Variants in SEC14L1 observed in about 807,000 individuals in gnomAD.
SEC14L1 encodes SEC14 like lipid binding 1, also known as SEC14-like protein 1.
Under a neutral mutation model 85.3 loss-of-function variants are expected in SEC14L1, and 48 were observed. The observed-to-expected ratio is 0.56, with a 90% CI of 0.45 to 0.72. The LOEUF (loss-of-function observed/expected upper bound fraction) is 0.72. Ranked by LOEUF, SEC14L1 falls within the 30% of genes least tolerant of loss-of-function variation. SEC14L1 has a pLI of 0.00. For missense variants in SEC14L1, 682 were observed against 921.4 expected (o/e 0.74, Z 3.36); for synonymous variants, 391 against 355.5 (o/e 1.10, Z -1.12).
intron 13 of SEC14L1, among the ~76,000 whole-genome samples, chr17:77,207,343 A>G (rs1368061881): frequency 6.8e-6 from 1 of 148,082 alleles, no homozygotes; most frequent in Non-Finnish European, 1.5e-5. Flanking sequence ...TGATCCTCCC[A>G]CCTCAGCCAC....
upstream of SEC14L1, among the ~76,000 whole-genome samples, chr17:77,137,549 T>G (rs12946557): frequency 6.6e-6 from 1 of 152,200 alleles, no homozygotes; most frequent in Non-Finnish European, 1.5e-5. Context: ...TCCAACACTG[T>G]GGATTACAAT....
intron 3 of SEC14L1, among the ~76,000 whole-genome samples, chr17:77,132,885 CAG>C (rs1972656914): frequency 6.8e-6 from 1 of 148,132 alleles, no homozygotes; most frequent in Non-Finnish European, 1.5e-5. Flanking sequence ...TTTTTTGAGA[CAG>C]AGTCTCACTC....
intron 3 of SEC14L1, among the ~76,000 whole-genome samples, chr17:77,108,558 G>A (rs1210399577): frequency 6.6e-6 from 1 of 152,008 alleles, no homozygotes; most frequent in Non-Finnish European, 1.5e-5. Context: ...GCAACATGGC[G>A]AAACCCTGTC....
intron 3 of SEC14L1, among the ~76,000 whole-genome samples, chr17:77,128,631 G>A (rs1168480337): frequency 2.6e-5 from 4 of 151,460 alleles, no homozygotes; most frequent in Non-Finnish European, 4.4e-5. Context: ...GCTAATTTTT[G>A]TATTTTTAGT....
chr17:77,176,935 T>C (rs1273424524), intron 3 of SEC14L1, among the ~76,000 whole-genome samples: 1 of 152,214 alleles, frequency 6.6e-6, no homozygotes, highest in Non-Finnish European at 1.5e-5. Flanking sequence ...CACTCTGTGT[T>C]GTACATGTCT....
In SEC14L1 at chr17:77,204,524, T is replaced by A. The variant is rs965132740; in HGVS notation, c.1099-752T>A. 6.2e-3 allele frequency among the ~76,000 whole-genome samples: 582 copies of A among 93,208 alleles called. 13 individuals carry two copies. Among genetic ancestry groups the A allele is most frequent in the African/African-American group, 0.021 (565 of 26,636 alleles). The allele number at this position is 93,208 out of a possible 152,430, so 61.1% of individuals were successfully genotyped here. A position where few individuals can be genotyped will look rare whatever the true frequency, so the allele number is the denominator to read the frequency against. On this transcript the variant is annotated intron_variant, in intron 10 of 16. Coordinates refer to ENST00000436233, the MANE Select transcript of SEC14L1 (RefSeq NM_001143998.2). The stretch of plus-strand genomic sequence containing the variant: ...CTTGAGCCACCCTGCCCAGCCAGCT[T>A]TTTTTTTTTTTTTTTTTTTTTTTTT...
In SEC14L1 at chr17:77,215,042, A is replaced by G. The variant is rs933310643; in HGVS notation, c.*1019A>G. 3.2e-5 allele frequency: 32 copies of G among 984,986 alleles called. No homozygotes were observed. The highest frequency in any genetic ancestry group is 9.4e-5 in the South Asian group (2 of 21,252). The allele number at this position is 984,986 out of a possible 1,614,324, so 61.0% of individuals were successfully genotyped here. A position where few individuals can be genotyped will look rare whatever the true frequency, so the allele number is the denominator to read the frequency against. ...ATGTAGGAGTCCTGCTTCTTTGTACATGGGAATTGTGGACTCATGCGTGTG... is the reference window on the plus strand; with the variant it reads ...ATGTAGGAGTCCTGCTTCTTTGTACGTGGGAATTGTGGACTCATGCGTGTG... On this transcript the variant is annotated 3_prime_UTR_variant, in exon 17 of 17. Coordinates refer to ENST00000436233, the MANE Select transcript of SEC14L1 (RefSeq NM_001143998.2).
intron 3 of SEC14L1, among the ~76,000 whole-genome samples, chr17:77,110,237 G>A (rs993952936): frequency 5.3e-5 from 8 of 152,128 alleles, no homozygotes; most frequent in South Asian, 2.1e-4. Context: ...GAAAGGAAAC[G>A]CATTCTTGGT....
chr17:77,124,396 G>T (rs1453830832), intron 3 of SEC14L1, among the ~76,000 whole-genome samples: 1 of 152,210 alleles, frequency 6.6e-6, no homozygotes. Flanking sequence ...ACCACGTCTT[G>T]TTTCTGCTTC....
chr17:77,139,452 G>A (rs1972903115), upstream of SEC14L1, among the ~76,000 whole-genome samples: 1 of 151,724 alleles, frequency 6.6e-6, no homozygotes, highest in Non-Finnish European at 1.5e-5. Flanking sequence ...GATTACAGGC[G>A]TGAGCCACCG....
At chr17:77,098,494 C>CAAA (rs1182105002) in intron 3 of SEC14L1, among the ~76,000 whole-genome samples, 53 of 129,864 alleles carry the variant, frequency 4.1e-4, no homozygotes, top group Admixed American at 1.0e-3. Flanking sequence ...GAGACTGTCT[C>CAAA]AAAAAAAAAA....
intron 2 of SEC14L1, among the ~76,000 whole-genome samples, chr17:77,092,794 C>T (rs1330847253): frequency 6.6e-6 from 1 of 151,696 alleles, no homozygotes; most frequent in Non-Finnish European, 1.5e-5. Flanking sequence ...ACTAAAAATA[C>T]AAAATTAGCT....
At chr17:77,156,694 TC>T (rs1160332457) in intron 3 of SEC14L1, among the ~76,000 whole-genome samples, 1 of 151,948 alleles carries the variant, frequency 6.6e-6, no homozygotes, top group Non-Finnish European at 1.5e-5. Context: ...TTTACTCTAA[TC>T]CCATGACATA....
intron 3 of SEC14L1, among the ~76,000 whole-genome samples, chr17:77,132,225 A>AT (rs1269027553): frequency 3.5e-5 from 5 of 144,622 alleles, no homozygotes; most frequent in Non-Finnish European, 7.4e-5. Flanking sequence ...TTCTGCATGG[A>AT]ATTTTTTTTT....
chr17:77,153,044 C>G (rs1973636839), intron 3 of SEC14L1, among the ~76,000 whole-genome samples: 1 of 152,024 alleles, frequency 6.6e-6, no homozygotes, highest in Non-Finnish European at 1.5e-5. Context: ...ATGCAGCCAC[C>G]CTTTAGCAGT....
chr17:77,097,395 C>A (rs1971672321), intron 3 of SEC14L1, among the ~76,000 whole-genome samples: 1 of 152,160 alleles, frequency 6.6e-6, no homozygotes, highest in African/African-American at 2.4e-5. Context: ...GAAACCCCGT[C>A]TCTATTAAAA....
chr17:77,214,803 C>G lies in SEC14L1; in HGVS notation c.*780C>G. 2 of 985,468 alleles carry G rather than the reference C, an allele frequency of 2.0e-6. No individual in the cohort carries two copies. The highest frequency in any genetic ancestry group is 2.4e-6 in the Non-Finnish European group (2 of 830,010). The allele number at this position is 985,468 out of a possible 1,614,324, so 61.0% of individuals were successfully genotyped here. ...GGGGTTCTTCCCGTTTCCTTCCGTG[C>G]GTCGCCCCTCTCACCTGCAGTCAGC... is the stretch of plus-strand genomic sequence containing the variant. On this transcript the variant is annotated 3_prime_UTR_variant, in exon 17 of 17. Coordinates refer to ENST00000436233, the MANE Select transcript of SEC14L1 (RefSeq NM_001143998.2).
chr17:77,116,829 G>T (rs181154541), intron 3 of SEC14L1, among the ~76,000 whole-genome samples: 4 of 152,292 alleles, frequency 2.6e-5, no homozygotes, highest in African/African-American at 2.4e-5. Flanking sequence ...ATGCTCTGGG[G>T]TAAGTGGGAC....
At chr17:77,153,241 A>G (rs1393282166) in intron 3 of SEC14L1, among the ~76,000 whole-genome samples, 2 of 152,040 alleles carry the variant, frequency 1.3e-5, no homozygotes, top group Non-Finnish European at 2.9e-5. Flanking sequence ...TAATTTTTGT[A>G]TTTTTAGTAC....
Sources: allele counts gnomAD v4.1 joint callset (sites outside exome capture counted in the v4.1 genomes callset), GRCh38; gene constraint gnomAD v4.1.1; transcripts MANE v1.5; gene names NCBI Gene and HGNC (gene_info 2026-07-23, HGNC 2026-07-21).